The following FAM184A variants were observed in gnomAD, a reference collection of about 807,000 sequenced individuals.
FAM184A encodes the protein family with sequence similarity 184 member A, also known as protein FAM184A.
In FAM184A, 99 loss-of-function variants were observed where a neutral mutation model predicts 143.8. The ratio of observed to expected loss-of-function variants is 0.69; its 90% CI spans 0.58 to 0.81. The LOEUF (loss-of-function observed/expected upper bound fraction) is 0.81, where lower values mean the gene tolerates loss of function less well. Among genes scored for constraint, FAM184A ranks in the 40% least tolerant of loss-of-function variants. FAM184A has a pLI of 0.00. For missense variants in FAM184A, 1,217 were observed against 1,310.5 expected (o/e 0.93, Z 1.10); for synonymous variants, 427 against 446.4 (o/e 0.96, Z 0.55).
intron 1 of FAM184A, among the ~76,000 whole-genome samples, chr6:119,119,666 A>T (rs9320679): frequency 0.84 from 127,640 of 151,752 alleles, 53,895 homozygotes; most frequent in Middle Eastern, 0.91. Flanking sequence ...TTGCCTTTTT[A>T]AAAAAAGTAA....
chr6:118,969,993 A>ATAAAATATGTATATAT (rs1189865476), intron 14 of FAM184A, among the ~76,000 whole-genome samples: 1 of 24,376 alleles, frequency 4.1e-5, no homozygotes, highest in Non-Finnish European at 7.8e-5. Context: ...ATATATATAT[A>ATAAAATATGTATATAT]ATATATATAT....
upstream of FAM184A, among the ~76,000 whole-genome samples, chr6:119,080,995 G>A (rs890479454): frequency 5.9e-5 from 9 of 152,104 alleles, no homozygotes. Flanking sequence ...TTACATGGCT[G>A]GAGCAGGAGG....
intron 5 of FAM184A, among the ~76,000 whole-genome samples, chr6:119,015,919 G>A (rs1327626888): frequency 6.6e-6 from 1 of 152,150 alleles, no homozygotes; most frequent in Non-Finnish European, 1.5e-5. Context: ...TGCTCTGGTG[G>A]GGCCTTGGAG....
At chr6:119,050,382 G>A (rs529178405) in intron 1 of FAM184A, among the ~76,000 whole-genome samples, 1 of 151,828 alleles carries the variant, frequency 6.6e-6, no homozygotes, top group African/African-American at 2.4e-5. Context: ...GCAGACGAAT[G>A]TTCACTGCGG....
chr6:118,966,267 G>T (rs1783498199), intron 15 of FAM184A, among the ~76,000 whole-genome samples: 1 of 152,152 alleles, frequency 6.6e-6, no homozygotes, highest in South Asian at 2.1e-4. Flanking sequence ...ATAAACTTCA[G>T]AGCCATTAAG....
intron 4 of FAM184A, 25 bp downstream of exon 4, chr6:119,019,953 G>A (rs769318065): frequency 2.7e-5 from 41 of 1,496,170 alleles, no homozygotes; most frequent in Non-Finnish European, 3.3e-5. Flanking sequence ...CTTTCGGGGG[G>A]AATGGAGTGT....
At chr6:119,101,510 G>A (rs1026732207) in intron 1 of FAM184A, among the ~76,000 whole-genome samples, 2 of 152,106 alleles carry the variant, frequency 1.3e-5, no homozygotes, top group Admixed American at 1.3e-4. Flanking sequence ...AATCAAGCAA[G>A]TTGCTAATGT....
intron 1 of FAM184A, among the ~76,000 whole-genome samples, chr6:119,111,568 A>G (rs1462275894): frequency 2.6e-5 from 4 of 152,266 alleles, no homozygotes; most frequent in African/African-American, 9.6e-5. Context: ...CTGATTCCGT[A>G]GACCACAGAA....
intron 1 of FAM184A, among the ~76,000 whole-genome samples, chr6:119,146,402 G>A (rs1405191412): frequency 9.0e-6 from 1 of 110,684 alleles, no homozygotes; most frequent in East Asian, 2.5e-4. Flanking sequence ...ACTTACGTGT[G>A]TGTGTGTGTG....
chr6:118,970,319 T>A (rs1783658624), intron 14 of FAM184A, among the ~76,000 whole-genome samples: 1 of 151,910 alleles, frequency 6.6e-6, no homozygotes, highest in Non-Finnish European at 1.5e-5. Context: ...CTGTATATCT[T>A]AAATTGCCTT....
intron 1 of FAM184A, among the ~76,000 whole-genome samples, chr6:119,087,496 A>G (rs1057106121): frequency 6.6e-6 from 1 of 152,216 alleles, no homozygotes; most frequent in Non-Finnish European, 1.5e-5. Context: ...GATGGTCAAA[A>G]CATCACTAAT....
intron 1 of FAM184A, among the ~76,000 whole-genome samples, chr6:119,112,838 T>C (rs1788966615): frequency 6.6e-6 from 1 of 152,244 alleles, no homozygotes; most frequent in Non-Finnish European, 1.5e-5. Context: ...AAAGGATAGA[T>C]GTGGAATCCA....
chr6:119,136,456 T>A (rs1789669448), intron 1 of FAM184A, among the ~76,000 whole-genome samples: 1 of 152,170 alleles, frequency 6.6e-6, no homozygotes, highest in African/African-American at 2.4e-5. Context: ...TTTATTGGCA[T>A]TAAAAAAATT....
chr6:119,024,983 T>C (rs1287312263), intron 1 of FAM184A, among the ~76,000 whole-genome samples, 170 bp from the exon 2 acceptor site: 1 of 152,256 alleles, frequency 6.6e-6, no homozygotes, highest in East Asian at 1.9e-4. Flanking sequence ...TAGATTGATT[T>C]GCTTAGCAAA....
chr6:119,088,945 G>A (rs1312383341), intron 1 of FAM184A, among the ~76,000 whole-genome samples: 1 of 152,076 alleles, frequency 6.6e-6, no homozygotes, highest in Non-Finnish European at 1.5e-5. Context: ...GTCTCATGTT[G>A]CCACTAAGCC....
chr6:118,974,927 C>A (rs1783802556), intron 13 of FAM184A, 97 bp downstream of exon 13: 2 of 912,002 alleles, frequency 2.2e-6, no homozygotes, highest in South Asian at 1.9e-5. Flanking sequence ...TACTAGAGAG[C>A]CAGTCTAGTC....
intron 6 of FAM184A, 77 bp from the exon 7 acceptor site, chr6:119,006,685 GT>G (rs1255403086): frequency 2.5e-6 from 3 of 1,189,934 alleles, no homozygotes; most frequent in Non-Finnish European, 3.4e-6. Context: ...TCTTCCTAAA[GT>G]TTTTTATTTA....
chr6:119,084,056 G>A (rs1451764133), intron 1 of FAM184A, among the ~76,000 whole-genome samples: 1 of 151,934 alleles, frequency 6.6e-6, no homozygotes, highest in African/African-American at 2.4e-5. Context: ...GGGAAGCAAG[G>A]CACATCTTAC....
intron 5 of FAM184A, among the ~76,000 whole-genome samples, chr6:119,011,851 A>G (rs1029896365): frequency 1.6e-4 from 24 of 152,232 alleles, no homozygotes; most frequent in African/African-American, 5.8e-4. Context: ...CAAGTATAAA[A>G]TGAAGGCAAA....
Sources: allele counts gnomAD v4.1 joint callset (sites outside exome capture counted in the v4.1 genomes callset), GRCh38; gene constraint gnomAD v4.1.1; transcripts MANE v1.5; gene names NCBI Gene and HGNC (gene_info 2026-07-23, HGNC 2026-07-21).